STK17A: variants seen among roughly 807,000 people sequenced by gnomAD.
The protein encoded by STK17A is serine/threonine kinase 17a, also known as serine/threonine-protein kinase 17A.
A neutral mutation model predicts 43.7 loss-of-function variants in STK17A; 26 were observed. The ratio of observed to expected loss-of-function variants is 0.60; its 90% CI spans 0.44 to 0.83. The LOEUF (loss-of-function observed/expected upper bound fraction) is 0.83, where lower values mean the gene tolerates loss of function less well. STK17A is among the 40% of genes least tolerant of loss of function. STK17A has a pLI of 0.00. For synonymous variants in STK17A, 191 were observed against 182.5 expected, an observed-to-expected ratio of 1.05 and a Z score of -0.38; for missense variants, 476 against 511.6, an observed-to-expected ratio of 0.93 and a Z score of 0.67.
At chr7:43,608,496 GTAT>G (rs2082636756) in intron 3 of STK17A, 96 bp downstream of exon 3, 2 of 1,390,906 alleles carry the variant, frequency 1.4e-6, no homozygotes, top group South Asian at 1.4e-5. Flanking sequence ...TCACGTTTGT[GTAT>G]TATTAGGTAA....
At chr7:43,612,597 A>G (rs2082973207) in intron 3 of STK17A, among the ~76,000 whole-genome samples, 1 of 152,220 alleles carries the variant, frequency 6.6e-6, no homozygotes, top group Admixed American at 6.5e-5. Context: ...TTTAGTCTCC[A>G]TGCTGGTTAA....
rs577186818 is a variant in STK17A at position 43,614,516 on chromosome 7, C to T, written c.565-5081C>T. On this transcript the variant is annotated intron_variant, in intron 3 of 6. Transcript: ENST00000319357. ...ATTGGAAGTAGATATATTTCACCAT[C>T]GAAGAACTAACAGAGCTTATAGTCC... Among the ~76,000 whole-genome samples the T allele has an allele frequency of 5.9e-5, 9 of 152,188 alleles. No individual in the cohort carries two copies. In the East Asian group the frequency reaches 1.7e-3, roughly 29 times the overall value.
intron 3 of STK17A, among the ~76,000 whole-genome samples, chr7:43,618,859 G>A (rs1415911866): frequency 6.6e-6 from 1 of 152,160 alleles, no homozygotes; most frequent in Non-Finnish European, 1.5e-5. Context: ...TCATCAGTAT[G>A]TAAGTGGCAG....
At chr7:43,592,594 A>G (rs527481184) in intron 1 of STK17A, among the ~76,000 whole-genome samples, 60 of 152,108 alleles carry the variant, frequency 3.9e-4, no homozygotes, top group African/African-American at 1.4e-3. Flanking sequence ...TCATGCCTAC[A>G]ATCCCAGCAT....
At chr7:43,588,536 T>A (rs147330358) in intron 1 of STK17A, among the ~76,000 whole-genome samples, 23 of 151,600 alleles carry the variant, frequency 1.5e-4, no homozygotes, top group Admixed American at 6.6e-4. Context: ...CCATTCTAGG[T>A]TTTTCCTGAA....
In STK17A at chr7:43,623,762, G is replaced by A; in HGVS notation, c.794G>A (p.Gly265Asp). 6.2e-7 allele frequency: 1 copy of A among 1,607,020 alleles called. No individual in the cohort carries two copies. Among genetic ancestry groups the A allele is most frequent in the Admixed American group, 1.7e-5 (1 of 58,814 alleles). Residue 265 changes from glycine to aspartate, a missense_variant, in exon 6 of 7, where the codon GGC (glycine) becomes GAC (aspartate). By Grantham distance (94) the Gly-to-Asp change is moderately conservative. Coordinates refer to ENST00000319357, the MANE Select transcript of STK17A (RefSeq NM_004760.3). Reference protein sequence around the residue: ...VMLTGISPFLGNDKQETFLNI... With the variant: ...VMLTGISPFLDNDKQETFLNI... ...CTTACAGGAATATCACCTTTCTTAGGCAATGATAAACAAGAAACATTCTTA... is the reference window on the plus strand; with the variant it reads ...CTTACAGGAATATCACCTTTCTTAGACAATGATAAACAAGAAACATTCTTA...
chr7:43,599,547 T>G (rs2082542621), intron 2 of STK17A, among the ~76,000 whole-genome samples: 1 of 152,238 alleles, frequency 6.6e-6, no homozygotes, highest in Non-Finnish European at 1.5e-5. Context: ...CATAGGTCTC[T>G]TCCATTGTAT....
intron 2 of STK17A, among the ~76,000 whole-genome samples, chr7:43,598,791 T>C (rs2082537347): frequency 1.3e-5 from 2 of 150,496 alleles, no homozygotes; most frequent in Admixed American, 1.3e-4. Flanking sequence ...TGAGACGGAG[T>C]CTTCCTCTGT....
intron 2 of STK17A, among the ~76,000 whole-genome samples, chr7:43,602,906 A>C (rs2082565199): frequency 6.6e-6 from 1 of 152,158 alleles, no homozygotes; most frequent in African/African-American, 2.4e-5. Flanking sequence ...AGTCAATAGC[A>C]GTCAATATCA....
intron 5 of STK17A, 44 bp downstream of exon 5, chr7:43,623,664 A>G: frequency 1.2e-6 from 2 of 1,607,600 alleles, no homozygotes; most frequent in South Asian, 1.1e-5. Flanking sequence ...GTTTCAAGAA[A>G]TGAGTATGGT....
chr7:43,627,227 G>T lies in STK17A; in HGVS notation c.*2385G>T, dbSNP rs1173595539. On this transcript the variant is annotated 3_prime_UTR_variant, in exon 7 of 7. Coordinates refer to ENST00000319357, the MANE Select transcript of STK17A (RefSeq NM_004760.3). ...GGAAATGATATTTGATTGATCTTGT[G>T]TTTTGTTGTTTTCAAATGAAAACTA... is the stretch of plus-strand genomic sequence containing the variant. Among the ~76,000 whole-genome samples the T allele has an allele frequency of 2.0e-5, 3 of 152,094 alleles. No homozygotes were observed. The highest frequency in any genetic ancestry group is 7.3e-5 in the African/African-American group (3 of 41,376).
chr7:43,616,408 A>T (rs1411887586), intron 3 of STK17A, among the ~76,000 whole-genome samples: 1 of 152,154 alleles, frequency 6.6e-6, no homozygotes, highest in Non-Finnish European at 1.5e-5. Context: ...TCTTCCATTC[A>T]TTCACCCAAC....
intron 1 of STK17A, among the ~76,000 whole-genome samples, chr7:43,585,947 A>G (rs1305247002): frequency 6.6e-6 from 1 of 151,674 alleles, no homozygotes; most frequent in Non-Finnish European, 1.5e-5. Context: ...TCAGGAAGGA[A>G]AAGTTCTGTT....
intron 4 of STK17A, chr7:43,622,449 A>G (rs555246463): frequency 2.0e-5 from 3 of 151,842 alleles, no homozygotes; most frequent in African/African-American, 7.2e-5. Context: ...TCCTTTTTTT[A>G]ATTGTAATTA....
chr7:43,599,916 T>C (rs925046056), intron 2 of STK17A, among the ~76,000 whole-genome samples: 2 of 152,080 alleles, frequency 1.3e-5, no homozygotes, highest in African/African-American at 4.8e-5. Flanking sequence ...AGTTCTGATG[T>C]CCACAGCAGC....
intron 3 of STK17A, among the ~76,000 whole-genome samples, chr7:43,616,242 G>A (rs1162073051): frequency 6.6e-6 from 1 of 152,096 alleles, no homozygotes; most frequent in African/African-American, 2.4e-5. Flanking sequence ...TTGCTTTCAT[G>A]GTGCAATTCA....
chr7:43,620,077 T>G (rs925502031), intron 4 of STK17A, among the ~76,000 whole-genome samples: 3 of 152,156 alleles, frequency 2.0e-5, no homozygotes, highest in Admixed American at 1.3e-4. Flanking sequence ...TAACAAACAT[T>G]GACAAAGGAA....
At chr7:43,623,354 C>T (rs2084122337) in intron 4 of STK17A, 1 of 505,822 alleles carries the variant, frequency 2.0e-6, no homozygotes, top group South Asian at 2.7e-5. Context: ...ATACTAGGGA[C>T]TCAACAATGG....
At chr7:43,609,828 C>T (rs146776807) in intron 3 of STK17A, among the ~76,000 whole-genome samples, 178 of 152,338 alleles carry the variant, frequency 1.2e-3, no homozygotes, top group African/African-American at 4.1e-3. Flanking sequence ...ATTGCAGCAT[C>T]ATCTCACACC....
Sources: gnomAD v4.1 joint callset for allele counts (sites outside exome capture counted in the v4.1 genomes callset) on GRCh38, gnomAD v4.1.1 for gene constraint, MANE v1.5 for transcripts, NCBI Gene and HGNC (gene_info 2026-07-23, HGNC 2026-07-21) for gene names.